PEX14: variants seen among roughly 807,000 people sequenced by gnomAD.
PEX14 encodes the protein peroxisomal membrane protein PEX14.
PEX14 carries 15 observed loss-of-function variants against 49.5 expected under a neutral mutation model. That is an observed-to-expected ratio of 0.30 (90% CI 0.20 to 0.47). The LOEUF (loss-of-function observed/expected upper bound fraction) is 0.47. Among genes scored for constraint, PEX14 ranks in the 20% least tolerant of loss-of-function variants. The probability of loss-of-function intolerance (pLI) is 1.00; values close to 1 mark genes in which losing one functional copy is unlikely to be tolerated. For missense variants in PEX14, 398 were observed against 494.8 expected (o/e 0.80, Z 1.86); for synonymous variants, 210 against 212.7 (o/e 0.99, Z 0.11).
intron 1 of PEX14, among the ~76,000 whole-genome samples, chr1:10,479,462 T>C (rs576423466): frequency 1.3e-5 from 2 of 152,168 alleles, no homozygotes; most frequent in African/African-American, 2.4e-5. Flanking sequence ...TGATCTCTCA[T>C]TGAAGTCCTT....
In PEX14 at chr1:10,624,336, G is replaced by A. The variant is rs376837541; in HGVS notation, c.488-4G>A. On this transcript the variant is annotated splice_polypyrimidine_tract_variant and splice_region_variant and intron_variant, in intron 6 of 8. Coordinates refer to ENST00000356607, the MANE Select transcript of PEX14 (RefSeq NM_004565.3). ...CCAGCGCCGTGACTGCTTTCTCCTC[G>A]CAGTGACTCAGTTACAGACGACCCT... 4.7e-5 allele frequency: 75 copies of A among 1,602,024 alleles called. No homozygotes were observed. The South Asian group carries it at 6.7e-4, about 14-fold the overall frequency.
intron 2 of PEX14, among the ~76,000 whole-genome samples, chr1:10,515,595 G>A (rs577904528): frequency 3.4e-4 from 52 of 152,202 alleles, no homozygotes; most frequent in South Asian, 2.1e-4. Flanking sequence ...CCTGAGCTTC[G>A]TTCTCAGTTT....
chr1:10,578,996 A>G (rs1378872642), intron 3 of PEX14, among the ~76,000 whole-genome samples: 2 of 152,178 alleles, frequency 1.3e-5, no homozygotes, highest in African/African-American at 4.8e-5. Flanking sequence ...GCAGAGAAGG[A>G]TGAGGCAGAA....
intron 2 of PEX14, among the ~76,000 whole-genome samples, chr1:10,534,023 TTCTC>T (rs1638725817): frequency 6.6e-6 from 1 of 152,162 alleles, no homozygotes; most frequent in South Asian, 2.1e-4. Context: ...TCTGTTTTCT[TTCTC>T]TGTCATGGAA....
chr1:10,487,867 GC>G (rs1417673712), intron 1 of PEX14, among the ~76,000 whole-genome samples: 2 of 151,830 alleles, frequency 1.3e-5, no homozygotes, highest in Non-Finnish European at 2.9e-5. Flanking sequence ...TGCAACTTCT[GC>G]CTCCTGGGTT....
At chr1:10,500,330 C>T (rs868166977) in intron 2 of PEX14, among the ~76,000 whole-genome samples, 7 of 133,208 alleles carry the variant, frequency 5.3e-5, no homozygotes, top group South Asian at 2.6e-4. Context: ...ACCGAGATCG[C>T]GCTACTGCCC....
chr1:10,539,730 G>A lies in PEX14; in HGVS notation c.169+3433G>A, dbSNP rs373304222. 1.0e-3 allele frequency among the ~76,000 whole-genome samples: 154 copies of A among 152,126 alleles called. 1 individual carries two copies. Among genetic ancestry groups the A allele is most frequent in the African/African-American group, 3.4e-3 (142 of 41,494 alleles). On this transcript the variant is annotated intron_variant, in intron 3 of 8. Transcript: ENST00000356607. This position sits in a 1 kb window ranked among gnomAD's most constrained non-coding sequence, Gnocchi z 4.6. Reference sequence around the variant, plus strand: ...GAAAGTTAGAGGCTTGGAAATTGTCGTCAATAGGCTTGTGTTGATTTGACA... The same window carrying A: ...GAAAGTTAGAGGCTTGGAAATTGTCATCAATAGGCTTGTGTTGATTTGACA...
At chr1:10,618,268 C>A in intron 4 of PEX14, 64 bp from the exon 5 acceptor site, 1 of 1,312,500 alleles carries the variant, frequency 7.6e-7, no homozygotes, top group Non-Finnish European at 1.1e-6. Flanking sequence ...GCACCTGTGC[C>A]AGCCCCCACC....
At chr1:10,561,051 A>G (rs1639639841) in intron 3 of PEX14, among the ~76,000 whole-genome samples, 2 of 151,976 alleles carry the variant, frequency 1.3e-5, no homozygotes, top group African/African-American at 4.8e-5. Context: ...CACTCTCTAC[A>G]CACACACATA....
chr1:10,475,072 G>A (rs1641169929), intron 1 of PEX14, 70 bp downstream of exon 1: 1 of 1,463,648 alleles, frequency 6.8e-7, no homozygotes, highest in African/African-American at 1.4e-5. Context: ...GCATACGGCT[G>A]GGAGCCGGGT....
intron 2 of PEX14, among the ~76,000 whole-genome samples, chr1:10,526,073 T>C (rs1638468854): frequency 6.6e-6 from 1 of 150,400 alleles, no homozygotes; most frequent in Non-Finnish European, 1.5e-5. Flanking sequence ...AGGTGCGTGC[T>C]GCCACACCCG....
At chr1:10,552,374 G>A (rs1463208438) in intron 3 of PEX14, among the ~76,000 whole-genome samples, 7 of 152,144 alleles carry the variant, frequency 4.6e-5, no homozygotes, top group South Asian at 4.1e-4. Flanking sequence ...CCTGGGAGGC[G>A]GAGTTTACAG....
At chr1:10,504,618 G>A (rs2847344) in intron 2 of PEX14, among the ~76,000 whole-genome samples, 104,586 of 152,132 alleles carry the variant, frequency 0.69, 36,022 homozygotes, top group South Asian at 0.76. Flanking sequence ...AGCCAGGCCC[G>A]TGGCAAGTGG....
chr1:10,579,124 G>A lies in PEX14; in HGVS notation c.170-20114G>A, dbSNP rs550927260. On this transcript the variant is annotated intron_variant, in intron 3 of 8. Coordinates refer to ENST00000356607, the MANE Select transcript of PEX14 (RefSeq NM_004565.3). ...AGTAGGATAAATAACAAAGAAAATT[G>A]CATCGAGGTGTATCACAGTGAAACT... Among the ~76,000 whole-genome samples the A allele has an allele frequency of 4.5e-4, 68 of 152,194 alleles. 1 individual carries two copies. The South Asian group carries it at 0.014, about 31-fold the overall frequency.
Position 10,618,557 on chromosome 1 carries a change from T to C in PEX14, c.384+140T>C, listed in dbSNP as rs542860336. 11 of 738,798 alleles carry C rather than the reference T, an allele frequency of 1.5e-5. No homozygotes were observed. The African/African-American group carries it at 1.9e-4, about 13-fold the overall frequency. 45.8% of individuals were successfully genotyped at this position (738,798 alleles called of 1,614,324 possible). On this transcript the variant is annotated intron_variant, in intron 5 of 8. Coordinates refer to ENST00000356607, the MANE Select transcript of PEX14 (RefSeq NM_004565.3). ...TGGCAGTGAGAGGCTGTGGTAGAGG[T>C]CGGGGTTCACAGCTGGATCCAGGCA...
At chr1:10,557,222 T>C (rs897146494) in intron 3 of PEX14, among the ~76,000 whole-genome samples, 72 of 152,362 alleles carry the variant, frequency 4.7e-4, no homozygotes, top group African/African-American at 1.7e-3. Context: ...TTTACACAAT[T>C]ATAGCAACTC....
At chr1:10,598,780 C>T (rs1230569055) in intron 3 of PEX14, among the ~76,000 whole-genome samples, 4 of 152,094 alleles carry the variant, frequency 2.6e-5, no homozygotes, top group Non-Finnish European at 4.4e-5. Context: ...AAATTATTCC[C>T]GTCTTCAGAA....
chr1:10,542,568 T>C (rs1257113605), intron 3 of PEX14, among the ~76,000 whole-genome samples: 1 of 152,208 alleles, frequency 6.6e-6, no homozygotes, highest in African/African-American at 2.4e-5. Context: ...GAGACCATCC[T>C]AGCTAACACG....
At position 10,475,007 on chromosome 1, in the gene PEX14, G is replaced by C; in HGVS notation, c.36+5G>C. On this transcript the variant is annotated splice_donor_5th_base_variant and intron_variant, in intron 1 of 8. Coordinates refer to ENST00000356607, the MANE Select transcript of PEX14 (RefSeq NM_004565.3). ...CAGGCAGAGCAGCCGAGCCAGGTAA[G>C]GGGAGTGGGACTGCCCCGCTGTGCG... 6.2e-7 allele frequency: 1 copy of C among 1,609,342 alleles called. No individual in the cohort carries two copies. The highest frequency in any genetic ancestry group is 8.5e-7 in the Non-Finnish European group (1 of 1,178,092).
Sources: gnomAD v4.1 joint callset for allele counts (sites outside exome capture counted in the v4.1 genomes callset) on GRCh38, gnomAD v4.1.1 for gene constraint, Gnocchi (gnomAD v3.1) non-coding constraint, MANE v1.5 for transcripts, NCBI Gene and HGNC (gene_info 2026-07-23, HGNC 2026-07-21) for gene names.